Variants in PTPRN2 observed in about 807,000 individuals in gnomAD.
PTPRN2 encodes the protein receptor-type tyrosine-protein phosphatase N2.
A neutral mutation model predicts 118.8 loss-of-function variants in PTPRN2; 74 were observed. That is an observed-to-expected ratio of 0.62 (90% CI 0.52 to 0.76). The LOEUF (loss-of-function observed/expected upper bound fraction) is 0.76. PTPRN2 is among the 30% of genes least tolerant of loss of function. The pLI is 0.00. For missense variants in PTPRN2, 1,481 were observed against 1,394.4 expected (o/e 1.06, Z -0.99); for synonymous variants, 641 against 608.0 (o/e 1.05, Z -0.80).
chr7:157,652,500 C>G (rs1805727323), intron 14 of PTPRN2, among the ~76,000 whole-genome samples: 1 of 152,258 alleles, frequency 6.6e-6, no homozygotes. Flanking sequence ...ACATCTAGAC[C>G]TGACCACCTG....
rs1800990048 is a variant in PTPRN2, at chr7:157,591,596, C to T, written c.2496+3642G>A. On this transcript the variant is annotated intron_variant, in intron 17 of 22. Coordinates refer to ENST00000389418, the MANE Select transcript of PTPRN2 (RefSeq NM_002847.5). The surrounding 1 kb of genome is among the most constrained non-coding windows in gnomAD (Gnocchi z 4.4). ...TTAAAGACAGGTGTTCTTCCTCTGCCTGCGTTCTGCTAAGCCAGAGAGGGC... is the reference window on the plus strand; with the variant it reads ...TTAAAGACAGGTGTTCTTCCTCTGCTTGCGTTCTGCTAAGCCAGAGAGGGC... Among the ~76,000 whole-genome samples the T allele has an allele frequency of 6.6e-6, 1 of 152,250 alleles. No individual in the cohort carries two copies. Among genetic ancestry groups the T allele is most frequent in the African/African-American group, 2.4e-5 (1 of 41,470 alleles).
chr7:158,457,819 T>TCC (rs1156959101), intron 2 of PTPRN2, among the ~76,000 whole-genome samples: 2 of 149,804 alleles, frequency 1.3e-5, no homozygotes, highest in African/African-American at 5.0e-5. Context: ...ACACCAGACC[T>TCC]CCCCCTCCAG....
At chr7:158,491,153 T>G (rs905145073) in intron 1 of PTPRN2, among the ~76,000 whole-genome samples, 4 of 152,170 alleles carry the variant, frequency 2.6e-5, no homozygotes, top group African/African-American at 4.8e-5. Context: ...AAACTAAACG[T>G]CATTCCAGAC....
chr7:157,885,858 C>G (rs1254707761), intron 12 of PTPRN2, among the ~76,000 whole-genome samples: 1 of 152,188 alleles, frequency 6.6e-6, no homozygotes, highest in African/African-American at 2.4e-5. Flanking sequence ...CTTCTCCTGC[C>G]TCAGTCTCCC....
At chr7:158,199,945 A>C (rs1003864869) in intron 4 of PTPRN2, among the ~76,000 whole-genome samples, 2 of 152,218 alleles carry the variant, frequency 1.3e-5, no homozygotes, top group Non-Finnish European at 2.9e-5. Context: ...ATCCATTACT[A>C]TAAAATCGCT....
chr7:158,158,432 C>T (rs559431864), intron 6 of PTPRN2, among the ~76,000 whole-genome samples: 2 of 152,264 alleles, frequency 1.3e-5, no homozygotes, highest in African/African-American at 2.4e-5. Flanking sequence ...ACGGAAGGCT[C>T]GAAGGAGAAG....
intron 12 of PTPRN2, among the ~76,000 whole-genome samples, chr7:157,821,781 C>T (rs1482866057): frequency 6.6e-6 from 1 of 152,062 alleles, no homozygotes; most frequent in African/African-American, 2.4e-5. Flanking sequence ...AACCAGAGGC[C>T]AGGGAAACCA....
chr7:158,406,187 C>T (rs13308249), intron 2 of PTPRN2, among the ~76,000 whole-genome samples: 10 of 141,918 alleles, frequency 7.0e-5, no homozygotes, highest in Admixed American at 4.9e-4. Context: ...GACACGTGGC[C>T]GCACACTGAG....
intron 2 of PTPRN2, among the ~76,000 whole-genome samples, chr7:158,377,479 G>A (rs929803223): frequency 5.1e-4 from 78 of 152,206 alleles, no homozygotes; most frequent in African/African-American, 1.9e-3. Context: ...AAGAAAAGGG[G>A]ACCCCACTTG....
chr7:158,116,767 G>C (rs1392486449), intron 9 of PTPRN2, among the ~76,000 whole-genome samples: 1 of 152,026 alleles, frequency 6.6e-6, no homozygotes, highest in Non-Finnish European at 1.5e-5. Flanking sequence ...TTCCGCTTTT[G>C]GGAGCCAGAA....
intron 2 of PTPRN2, among the ~76,000 whole-genome samples, chr7:158,429,602 G>T (rs561230871): frequency 6.6e-4 from 100 of 152,320 alleles, no homozygotes; most frequent in Admixed American, 2.4e-3. Flanking sequence ...GCCACCCTCC[G>T]CTCAAGCACA....
chr7:158,424,665 A>G (rs1206799603), intron 2 of PTPRN2, among the ~76,000 whole-genome samples: 2 of 152,218 alleles, frequency 1.3e-5, no homozygotes, highest in Non-Finnish European at 2.9e-5. Flanking sequence ...CGGCCCTGAG[A>G]GCCCTGAGAG....
chr7:158,350,495 G>A (rs546899229), intron 2 of PTPRN2, among the ~76,000 whole-genome samples: 4 of 152,318 alleles, frequency 2.6e-5, no homozygotes, highest in Admixed American at 2.0e-4. Flanking sequence ...GAATCTGCCT[G>A]TCAATTTTGT....
intron 11 of PTPRN2, among the ~76,000 whole-genome samples, chr7:157,958,121 C>T (rs1801297508): frequency 6.6e-6 from 1 of 152,006 alleles, no homozygotes; most frequent in African/African-American, 2.4e-5. Context: ...CGCAATACAC[C>T]CCACTAACAG....
At chr7:158,532,500 C>T (rs901526967) in intron 1 of PTPRN2, among the ~76,000 whole-genome samples, 4 of 152,054 alleles carry the variant, frequency 2.6e-5, no homozygotes, top group Admixed American at 6.6e-5. Context: ...AAACCCCCAC[C>T]GATGCCTCCA....
At chr7:158,342,491 A>G (rs138350412) in intron 2 of PTPRN2, among the ~76,000 whole-genome samples, 1,558 of 50,938 alleles carry the variant, frequency 0.031, 277 homozygotes, top group Middle Eastern at 0.081. Context: ...TGCAGACGTC[A>G]CTCAAACCCA....
rs142190761 is a variant in PTPRN2 at position 157,931,099 on chromosome 7, G to C, written c.1724-32362C>G. Among the ~76,000 whole-genome samples, 82 of 152,238 alleles carry C rather than the reference G, an allele frequency of 5.4e-4. 3 individuals carry two copies. The East Asian group carries it at 0.015, about 27-fold the overall frequency. On this transcript the variant is annotated intron_variant, in intron 11 of 22. Coordinates refer to ENST00000389418, the MANE Select transcript of PTPRN2 (RefSeq NM_002847.5). ...CCAGACGAGGTTTCTAGAAGCCATG[G>C]CTCCAGCACTGCAGCATGAGCTGCG...
intron 12 of PTPRN2, among the ~76,000 whole-genome samples, chr7:157,870,795 G>A (rs548163420): frequency 3.9e-5 from 6 of 152,328 alleles, no homozygotes; most frequent in East Asian, 3.9e-4. Context: ...GCATGGCCTC[G>A]TGCCAGCCTC....
intron 2 of PTPRN2, among the ~76,000 whole-genome samples, chr7:158,343,030 C>A (rs998724870): frequency 9.2e-5 from 14 of 152,138 alleles, no homozygotes; most frequent in African/African-American, 2.7e-4. Context: ...GCCTGGGCAA[C>A]AAGAGTGAAA....
Sources: allele counts gnomAD v4.1 joint callset (sites outside exome capture counted in the v4.1 genomes callset), GRCh38; gene constraint gnomAD v4.1.1; non-coding constraint Gnocchi (gnomAD v3.1); transcripts MANE v1.5; gene names NCBI Gene and HGNC (gene_info 2026-07-23, HGNC 2026-07-21).